ZNF230: variants seen among roughly 807,000 people sequenced by gnomAD.
ZNF230 encodes zinc finger protein 230.
A neutral mutation model predicts 10.0 loss-of-function variants in ZNF230; 12 were observed. The ratio of observed to expected loss-of-function variants is 1.20; its 90% CI spans 0.77 to 1.95. ZNF230 has a LOEUF of 1.95. Ranked by LOEUF, ZNF230 falls within the 30% of genes most tolerant of loss-of-function variation. The pLI is 0.00. For synonymous variants in ZNF230, 174 were observed against 193.6 expected, an observed-to-expected ratio of 0.90 and a Z score of 0.84; for missense variants, 532 against 565.8, an observed-to-expected ratio of 0.94 and a Z score of 0.61.
Position 44,004,797 on chromosome 19 carries a change from A to G in ZNF230, c.-69+1690A>G, listed in dbSNP as rs1474047387. Reference sequence around the variant, plus strand: ...TATAATGCTCAATTTTATTATTCCCATTATCCTTATGACTATTTCCTGATA... The same window carrying G: ...TATAATGCTCAATTTTATTATTCCCGTTATCCTTATGACTATTTCCTGATA... On this transcript the variant is annotated intron_variant, in intron 1 of 4. Transcript: ENST00000429154. The G allele has an allele frequency of 1.3e-4, 19 of 150,618 alleles. No homozygotes were observed. In the Admixed American group the frequency reaches 1.3e-3, roughly 10 times the overall value. The allele number at this position is 150,618 out of a possible 1,614,324, so 9.3% of individuals were successfully genotyped here.
In ZNF230 at chr19:44,012,619, G is replaced by C; in HGVS notation, c.*1155G>C. The C allele has an allele frequency of 2.5e-6, 1 of 400,722 alleles. No homozygotes were observed. Among genetic ancestry groups the C allele is most frequent in the East Asian group, 6.2e-5 (1 of 16,034 alleles). The allele number at this position is 400,722 out of a possible 1,614,324, so 24.8% of individuals were successfully genotyped here. A position where few individuals can be genotyped will look rare whatever the true frequency, so the allele number is the denominator to read the frequency against. ...AACCCTAATGATGAACATGTCAAAA[G>C]TGGTGACCACTAGAATGTCAACTAC... is the stretch of plus-strand genomic sequence containing the variant. On this transcript the variant is annotated 3_prime_UTR_variant, in exon 5 of 5. Coordinates refer to ENST00000429154, the MANE Select transcript of ZNF230 (RefSeq NM_006300.4).
chr19:44,010,362 A>G lies in ZNF230; in HGVS notation c.323A>G (p.Asp108Gly). Residue 108 changes from aspartate to glycine, a missense_variant, in exon 5 of 5, where the codon GAC becomes GGC. Coordinates refer to ENST00000429154, the MANE Select transcript of ZNF230 (RefSeq NM_006300.4). The part of the protein sequence containing the change: ...QTASDLTQSQ[D>G]SIINNSHFFE... ...GCAAGTGACTTAACCCAGTCTCAAG[A>G]CTCCATCATAAATAATTCTCACTTC... The G allele has an allele frequency of 6.2e-7, 1 of 1,614,192 alleles. No homozygotes were observed. Among genetic ancestry groups the G allele is most frequent in the Non-Finnish European group, 8.5e-7 (1 of 1,180,034 alleles).
chr19:44,004,725 CAAAAAAAAAAA>C (rs754318339), intron 1 of ZNF230: 1 of 63,064 alleles, frequency 1.6e-5, no homozygotes, highest in Admixed American at 1.7e-4. Context: ...GAGTGAGACT[CAAAAAAAAAAA>C]AAAAAAAAAG....
chr19:44,010,690 C>T lies in ZNF230; in HGVS notation c.651C>T (p.Val217=), dbSNP rs779295673. ...CATGTCTGCAAACTCGTGAGAGAGTCCACACTGGAGAGAAACCATTCAAAT... is the reference window on the plus strand; with the variant it reads ...CATGTCTGCAAACTCGTGAGAGAGTTCACACTGGAGAGAAACCATTCAAAT... ...QSSCLQTRER[V]HTGEKPFKCE... The change falls in exon 5 of 5, where the codon GTC becomes GTT. Residue 217 remains valine, a synonymous_variant. Transcript: ENST00000429154. 27 of 1,614,086 alleles carry T rather than the reference C, an allele frequency of 1.7e-5. No individual in the cohort carries two copies. Among genetic ancestry groups the T allele is most frequent in the Non-Finnish European group, 2.0e-5 (24 of 1,180,042 alleles).
At chr19:44,008,737 C>T (rs893914677) in intron 2 of ZNF230, 53 bp from the exon 3 acceptor site, 1 of 1,596,528 alleles carries the variant, frequency 6.3e-7, no homozygotes, top group Non-Finnish European at 8.6e-7. Flanking sequence ...TGCTGCTCCT[C>T]CCCCAGTAGT....
At position 44,010,547 on chromosome 19, in the gene ZNF230, T is replaced by C; in HGVS notation, c.508T>C (p.Cys170Arg). 6.2e-7 allele frequency: 1 copy of C among 1,614,244 alleles called. No homozygotes were observed. Among genetic ancestry groups the C allele is most frequent in the South Asian group, 1.1e-5 (1 of 91,092 alleles). ...QFHSGEKSHTCNECGKSFCYI... is the reference protein window; with the variant it reads ...QFHSGEKSHTRNECGKSFCYI... ...CCACTCAGGAGAGAAGTCTCATACA[T>C]GCAATGAGTGTGGAAAAAGCTTCTG... The change falls in exon 5 of 5, where the codon TGC (cysteine) becomes CGC (arginine). Residue 170 changes from cysteine (C) to arginine (R), a missense_variant. Physicochemically the swap from Cys to Arg is radical, Grantham distance 180. Coordinates refer to ENST00000429154, the MANE Select transcript of ZNF230 (RefSeq NM_006300.4).
chr19:44,009,028 C>A, intron 3 of ZNF230, 56 bp from the exon 4 acceptor site: 1 of 1,605,784 alleles, frequency 6.2e-7, no homozygotes, highest in Non-Finnish European at 8.5e-7. Flanking sequence ...GTAAATTTTA[C>A]CTTGATATTA....
chr19:44,009,669 C>T (rs551792831), intron 4 of ZNF230, among the ~76,000 whole-genome samples: 194 of 152,230 alleles, frequency 1.3e-3, no homozygotes, highest in African/African-American at 4.4e-3. Flanking sequence ...AGGACGGTCT[C>T]CCACCCCTCA....
chr19:44,007,177 T>G, intron 2 of ZNF230, 84 bp downstream of exon 2: 2 of 1,401,834 alleles, frequency 1.4e-6, no homozygotes, highest in Non-Finnish European at 9.8e-7. Context: ...TTGGGAAGAC[T>G]CAAGGAGGAA....
In ZNF230 at chr19:44,011,699, G is replaced by A; in HGVS notation, c.*235G>A. The A allele has an allele frequency of 2.4e-6, 1 of 423,716 alleles. No homozygotes were observed. The highest frequency in any genetic ancestry group is 4.8e-5 in the East Asian group (1 of 20,880). The allele number at this position is 423,716 out of a possible 1,614,324, so 26.2% of individuals were successfully genotyped here. On this transcript the variant is annotated 3_prime_UTR_variant, in exon 5 of 5. Transcript: ENST00000429154. ...ATTTCTCCTATCTAGCAGTACTTAT[G>A]TATCTTGTTACCCAATCTTTGGCTA...
intron 1 of ZNF230, among the ~76,000 whole-genome samples, chr19:44,005,418 A>G (rs972884794): frequency 3.9e-5 from 6 of 152,198 alleles, no homozygotes; most frequent in African/African-American, 1.2e-4. Flanking sequence ...ATAGGGTTTC[A>G]CATAACATGC....
chr19:44,007,189 T>C, intron 2 of ZNF230, 96 bp downstream of exon 2: 1 of 1,203,780 alleles, frequency 8.3e-7, no homozygotes, highest in Non-Finnish European at 1.2e-6. Context: ...AAGGAGGAAA[T>C]GGGCATTTGG....
rs1342856370 is a variant in ZNF230 at position 44,013,576 on chromosome 19, TATAAC to T, written c.*2117_*2121del. ...AATTTGTGTGAAATGCATTTATTCC[TATAAC>T]ATAAGACCAATAAAATGAGGGAACC... is the stretch of plus-strand genomic sequence containing the variant. On this transcript the variant is annotated 3_prime_UTR_variant, in exon 5 of 5. Transcript: ENST00000429154. 1.4e-4 allele frequency: 21 copies of T among 152,332 alleles called. No homozygotes were observed. The highest frequency in any genetic ancestry group is 4.6e-4 in the Admixed American group (7 of 15,306). 9.4% of individuals were successfully genotyped at this position (152,332 alleles called of 1,614,324 possible).
Position 44,012,783 on chromosome 19 carries a change from C to G in ZNF230, c.*1319C>G, listed in dbSNP as rs549555325. ...GAGAGAAAATCTACAAAAAATAATT[C>G]AGGGACACGAGTTAAAATGCAGAAT... On this transcript the variant is annotated 3_prime_UTR_variant, in exon 5 of 5. Coordinates refer to ENST00000429154, the MANE Select transcript of ZNF230 (RefSeq NM_006300.4). 4.8e-6 allele frequency: 1 copy of G among 206,644 alleles called. No homozygotes were observed. Among genetic ancestry groups the G allele is most frequent in the South Asian group, 6.7e-5 (1 of 14,828 alleles). 12.8% of individuals were successfully genotyped at this position (206,644 alleles called of 1,614,324 possible). A position where few individuals can be genotyped will look rare whatever the true frequency, so the allele number is the denominator to read the frequency against.
rs45564734 is a variant in ZNF230 at position 44,003,029 on chromosome 19, G to A, written c.-147G>A. 0.014 allele frequency: 2,194 copies of A among 152,238 alleles called. 14 individuals carry two copies. The highest frequency in any genetic ancestry group is 0.021 in the Non-Finnish European group (1,422 of 68,048). 9.4% of individuals were successfully genotyped at this position (152,238 alleles called of 1,614,324 possible). On this transcript the variant is annotated 5_prime_UTR_variant, in exon 1 of 5. Coordinates refer to ENST00000429154, the MANE Select transcript of ZNF230 (RefSeq NM_006300.4). Reference sequence around the variant, plus strand: ...GCGTCTGGCGGGTCCTTCTGAACTTGTCACCTTCGCTTGGGGTCGCAACGA... The same window carrying A: ...GCGTCTGGCGGGTCCTTCTGAACTTATCACCTTCGCTTGGGGTCGCAACGA...
At chr19:44,007,792 C>T (rs909007249) in intron 2 of ZNF230, among the ~76,000 whole-genome samples, 1 of 152,170 alleles carries the variant, frequency 6.6e-6, no homozygotes, top group Non-Finnish European at 1.5e-5. Flanking sequence ...CCAGCCTGCG[C>T]CCCCAGGCTG....
chr19:44,011,268 A>T lies in ZNF230; in HGVS notation c.1229A>T (p.His410Leu). The T allele has an allele frequency of 6.2e-7, 1 of 1,614,186 alleles. No individual in the cohort carries two copies. Among genetic ancestry groups the T allele is most frequent in the East Asian group, 2.2e-5 (1 of 44,870 alleles). Reference sequence around the variant, plus strand: ...AGCCGGGCTTCAAGTATTTTGAATCATAAGAAACTCCACTGCCGGAAAAAA... The same window carrying T: ...AGCCGGGCTTCAAGTATTTTGAATCTTAAGAAACTCCACTGCCGGAAAAAA... ...SFSRASSILN[H>L]KKLHCRKKPF... The change falls in exon 5 of 5, where the codon CAT becomes CTT. Residue 410 changes from histidine (H) to leucine (L), a missense_variant. Transcript: ENST00000429154.
At chr19:44,007,589 C>T (rs897121566) in intron 2 of ZNF230, among the ~76,000 whole-genome samples, 2 of 152,178 alleles carry the variant, frequency 1.3e-5, no homozygotes, top group African/African-American at 4.8e-5. Context: ...CCACTTCACC[C>T]ACCTCCTGAG....
chr19:44,003,301 C>A, intron 1 of ZNF230, 194 bp downstream of exon 1: 1 of 152,402 alleles, frequency 6.6e-6, no homozygotes, highest in Non-Finnish European at 1.5e-5. Flanking sequence ...CGCAGTGTGA[C>A]GTGGAGTGTT....
Sources: gnomAD v4.1 joint callset for allele counts (sites outside exome capture counted in the v4.1 genomes callset) on GRCh38, gnomAD v4.1.1 for gene constraint, MANE v1.5 for transcripts, NCBI Gene and HGNC (gene_info 2026-07-23, HGNC 2026-07-21) for gene names.